Variants in MAP4K3 observed in about 807,000 individuals in gnomAD.
MAP4K3 encodes the protein mitogen-activated protein kinase kinase kinase kinase 3.
MAP4K3 carries 94 observed loss-of-function variants against 143.5 expected under a neutral mutation model. The observed-to-expected ratio is 0.65, with a 90% CI of 0.55 to 0.78. The LOEUF (loss-of-function observed/expected upper bound fraction) is 0.78, where lower values mean the gene tolerates loss of function less well. Among genes scored for constraint, MAP4K3 ranks in the 30% least tolerant of loss-of-function variants. MAP4K3 has a pLI of 0.00. For synonymous variants in MAP4K3, 416 were observed against 347.2 expected (o/e 1.20, Z -2.20); for missense variants, 1,077 against 1,068.1 (o/e 1.01, Z -0.12).
intron 1 of MAP4K3, among the ~76,000 whole-genome samples, chr2:39,386,731 C>T (rs1234809786): frequency 6.6e-6 from 1 of 151,962 alleles, no homozygotes; most frequent in Non-Finnish European, 1.5e-5. Context: ...ATTTCTGGAC[C>T]CCATGTTGAT....
chr2:39,281,710 C>A lies in MAP4K3; in HGVS notation c.1629+803G>T, dbSNP rs531015445. 2.0e-5 allele frequency among the ~76,000 whole-genome samples: 3 copies of A among 151,684 alleles called. No individual in the cohort carries two copies. The South Asian group carries it at 6.3e-4, about 32-fold the overall frequency. On this transcript the variant is annotated intron_variant, in intron 22 of 33. Coordinates refer to ENST00000263881, the MANE Select transcript of MAP4K3 (RefSeq NM_003618.4). ...CTTACAGTCAAGTGGGAAAATCTGCCCTATTTTATGTATTTCTCTGCTGTA... is the reference window on the plus strand; with the variant it reads ...CTTACAGTCAAGTGGGAAAATCTGCACTATTTTATGTATTTCTCTGCTGTA...
At chr2:39,369,393 C>T (rs553969031) in intron 2 of MAP4K3, among the ~76,000 whole-genome samples, 2 of 151,804 alleles carry the variant, frequency 1.3e-5, no homozygotes, top group East Asian at 1.9e-4. Context: ...CTGATCTGCC[C>T]GCCTCGGCCT....
Position 39,325,580 on chromosome 2 carries a change from A to G in MAP4K3, c.856T>C (p.Leu286=), listed in dbSNP as rs150302898. The G allele has an allele frequency of 9.6e-4, 1,542 of 1,613,334 alleles. 9 individuals are homozygous for G. Among genetic ancestry groups the G allele is most frequent in the Non-Finnish European group, 1.1e-3 (1,341 of 1,179,766 alleles). The change falls in exon 12 of 34, where the codon TTG becomes CTG. Residue 286 remains leucine, a synonymous_variant. Coordinates refer to ENST00000263881, the MANE Select transcript of MAP4K3 (RefSeq NM_003618.4). ...HLTRSLAIEL[L]DKVNNPDHST... ...TGATCTGGATTATTTACTTTATCCA[A>G]CAGCTCGATTGCCAAAGACCGTGTC...
At chr2:39,364,525 A>AG (rs777581588) in intron 2 of MAP4K3, among the ~76,000 whole-genome samples, 23 of 152,344 alleles carry the variant, frequency 1.5e-4, no homozygotes, top group Admixed American at 5.9e-4. Flanking sequence ...ACATGTGCCC[A>AG]AAGTGGTTGG....
chr2:39,272,123 C>A (rs1681050588), intron 26 of MAP4K3, 160 bp downstream of exon 26: 2 of 474,482 alleles, frequency 4.2e-6, no homozygotes, highest in South Asian at 4.9e-5. Context: ...AATTTTAGAA[C>A]AAGAGTGTGA....
chr2:39,272,528 C>T lies in MAP4K3; in HGVS notation c.1809G>A (p.Arg603=), dbSNP rs376419824. Residue 603 remains arginine, a synonymous_variant, in exon 25 of 34, where the codon AGG becomes AGA. Coordinates refer to ENST00000263881, the MANE Select transcript of MAP4K3 (RefSeq NM_003618.4). ...ETSMEQLFPR[R]CTWLYVMNNC... ...TGTTCATTACATACAACCATGTACA[C>T]CTTCGAGGGAATAGCTGATTAAAAA... is the stretch of plus-strand genomic sequence containing the variant. 56 of 1,613,132 alleles carry T rather than the reference C, an allele frequency of 3.5e-5. 1 individual carries two copies. The East Asian group carries it at 3.8e-4, about 11-fold the overall frequency.
Position 39,325,738 on chromosome 2 carries a change from A to G in MAP4K3, c.799T>C (p.Leu267=), listed in dbSNP as rs1404726278. ...NPKKRPTAEK[L]LQHPFVTQHL... ...CAGGGCAAAAATAATACCTGTAATA[A>G]TTTTTCAGCAGTAGGTCTTTTTTTC... Residue 267 remains leucine, a synonymous_variant, in exon 11 of 34, where the codon TTA becomes CTA. Transcript: ENST00000263881. 2.5e-6 allele frequency: 4 copies of G among 1,606,722 alleles called. No individual in the cohort carries two copies. In the African/African-American group the frequency reaches 4.0e-5, roughly 16 times the overall value.
Position 39,375,097 on chromosome 2 carries a change from C to T in MAP4K3, c.154+2969G>A, listed in dbSNP as rs148938674. ...GCAATATAGTGAGACCCTGTCTCTA[C>T]AAAAAATAAAAATTAGCTGGGTGTC... On this transcript the variant is annotated intron_variant, in intron 2 of 33. Transcript: ENST00000263881. 4.5e-3 allele frequency among the ~76,000 whole-genome samples: 683 copies of T among 152,098 alleles called. 1 individual carries two copies. The highest frequency in any genetic ancestry group is 0.017 in the Middle Eastern group (5 of 294).
intron 1 of MAP4K3, among the ~76,000 whole-genome samples, chr2:39,422,965 G>T (rs1664924366): frequency 2.0e-5 from 3 of 151,946 alleles, no homozygotes. Context: ...CTCTGCAAAA[G>T]ACATTGTTAA....
At chr2:39,378,334 T>C (rs974036172) in intron 1 of MAP4K3, among the ~76,000 whole-genome samples, 2 of 152,206 alleles carry the variant, frequency 1.3e-5, no homozygotes, top group Non-Finnish European at 2.9e-5. Flanking sequence ...ATAGCTAATA[T>C]ACACTTAGAT....
chr2:39,335,967 G>C (rs1489360016), intron 6 of MAP4K3, among the ~76,000 whole-genome samples: 1 of 152,020 alleles, frequency 6.6e-6, no homozygotes, highest in African/African-American at 2.4e-5. Flanking sequence ...TAGAGAAAAT[G>C]TTAGAAAACA....
At chr2:39,314,425 T>C (rs900315248) in intron 13 of MAP4K3, among the ~76,000 whole-genome samples, 2 of 152,248 alleles carry the variant, frequency 1.3e-5, no homozygotes, top group African/African-American at 4.8e-5. Context: ...ATGCTAAGGA[T>C]GCCATTTTCG....
At chr2:39,394,927 C>T (rs1047496041) in intron 1 of MAP4K3, among the ~76,000 whole-genome samples, 8 of 152,106 alleles carry the variant, frequency 5.3e-5, no homozygotes, top group African/African-American at 1.9e-4. Flanking sequence ...AATTTGAATC[C>T]ATCAGACTCT....
At chr2:39,347,222 T>C (rs1665318334) in intron 3 of MAP4K3, among the ~76,000 whole-genome samples, 1 of 152,276 alleles carries the variant, frequency 6.6e-6, no homozygotes, top group Middle Eastern at 3.4e-3. Flanking sequence ...TCAGCTTTAA[T>C]TTCTAATATG....
At chr2:39,386,222 G>T (rs1666501859) in intron 1 of MAP4K3, among the ~76,000 whole-genome samples, 1 of 152,184 alleles carries the variant, frequency 6.6e-6, no homozygotes, top group South Asian at 2.1e-4. Context: ...GCACCAAGAA[G>T]GAGGCCATCT....
intron 8 of MAP4K3, among the ~76,000 whole-genome samples, chr2:39,326,713 C>T (rs1286603967): frequency 6.6e-6 from 1 of 152,126 alleles, no homozygotes; most frequent in African/African-American, 2.4e-5. Flanking sequence ...CTGTAATCCC[C>T]ATGTGTTGAG....
At chr2:39,259,360 G>A (rs1004047432) in intron 29 of MAP4K3, among the ~76,000 whole-genome samples, 1 of 152,090 alleles carries the variant, frequency 6.6e-6, no homozygotes, top group African/African-American at 2.4e-5. Context: ...GTCTCCCAGT[G>A]ATTCTGATGA....
Position 39,280,267 on chromosome 2 carries a change from A to G in MAP4K3, c.1714+5T>C. The G allele has an allele frequency of 6.5e-7, 1 of 1,530,656 alleles. No homozygotes were observed. Among genetic ancestry groups the G allele is most frequent in the South Asian group, 1.3e-5 (1 of 77,238 alleles). 94.8% of individuals were successfully genotyped at this position (1,530,656 alleles called of 1,614,324 possible). On this transcript the variant is annotated splice_donor_5th_base_variant and intron_variant, in intron 23 of 33. Transcript: ENST00000263881. ...AAGATAACAGATAAAAACACACAAT[A>G]CTACCTCTTGTATCTGGGTTTATCC...
At chr2:39,402,975 G>C (rs1666989410) in intron 1 of MAP4K3, among the ~76,000 whole-genome samples, 1 of 151,990 alleles carries the variant, frequency 6.6e-6, no homozygotes, top group South Asian at 2.1e-4. Context: ...TTCTTTGAAA[G>C]ACACAAACTA....
Sources: allele counts gnomAD v4.1 joint callset (sites outside exome capture counted in the v4.1 genomes callset), GRCh38; gene constraint gnomAD v4.1.1; transcripts MANE v1.5; gene names NCBI Gene and HGNC (gene_info 2026-07-23, HGNC 2026-07-21).